Variants in CREG1 observed in about 807,000 individuals in gnomAD.
The protein encoded by CREG1 is cellular repressor of E1A stimulated genes 1.
A neutral mutation model predicts 19.9 loss-of-function variants in CREG1; 20 were observed. The ratio of observed to expected loss-of-function variants is 1.01; its 90% CI spans 0.71 to 1.46. The LOEUF (loss-of-function observed/expected upper bound fraction) is 1.46, where lower values mean the gene tolerates loss of function less well. Among genes scored for constraint, CREG1 ranks in the 40% most tolerant of loss-of-function variants. The probability of loss-of-function intolerance (pLI) is 0.00; values close to 1 mark genes in which losing one functional copy is unlikely to be tolerated. For synonymous variants in CREG1, 141 were observed against 143.3 expected, an observed-to-expected ratio of 0.98 and a Z score of 0.12; for missense variants, 290 against 314.9, an observed-to-expected ratio of 0.92 and a Z score of 0.60.
chr1:167,552,429 T>G (rs1435119437), intron 1 of CREG1, among the ~76,000 whole-genome samples: 1 of 152,204 alleles, frequency 6.6e-6, no homozygotes, highest in South Asian at 2.1e-4. Context: ...GTCTCCGGCC[T>G]CCCAAGCTGG....
intron 3 of CREG1, 26 bp downstream of exon 3, chr1:167,546,075 T>C: frequency 6.4e-7 from 1 of 1,556,872 alleles, no homozygotes; most frequent in Non-Finnish European, 8.7e-7. Flanking sequence ...GCGGCAATCT[T>C]AGGTGAAAGA....
chr1:167,545,872 T>C lies in CREG1; in HGVS notation c.659+229A>G, dbSNP rs538833942. ...ATTTAATATATTAATAAAACGATTATACCACACATTTACAAATATTTTCAT... is the reference window on the plus strand; with the variant it reads ...ATTTAATATATTAATAAAACGATTACACCACACATTTACAAATATTTTCAT... On this transcript the variant is annotated intron_variant, in intron 3 of 3. Coordinates refer to ENST00000370509, the MANE Select transcript of CREG1 (RefSeq NM_003851.3). Among the ~76,000 whole-genome samples the C allele has an allele frequency of 9.2e-5, 14 of 152,348 alleles. No homozygotes were observed. The South Asian group carries it at 2.5e-3, about 27-fold the overall frequency.
chr1:167,547,394 G>C (rs1160907511), intron 2 of CREG1, among the ~76,000 whole-genome samples: 2 of 152,182 alleles, frequency 1.3e-5, no homozygotes, highest in Non-Finnish European at 2.9e-5. Flanking sequence ...GGAGAGTAGA[G>C]GGCTTTGGTC....
chr1:167,553,241 C>T, intron 1 of CREG1, 147 bp downstream of exon 1: 1 of 622,402 alleles, frequency 1.6e-6, no homozygotes, highest in East Asian at 3.5e-5. Context: ...GACGCTGCAA[C>T]GCCCACCTAC....
intron 1 of CREG1, 152 bp downstream of exon 1, chr1:167,553,236 T>C (rs377082007): frequency 1.7e-6 from 1 of 599,918 alleles, no homozygotes; most frequent in Non-Finnish European, 2.6e-6. Flanking sequence ...TCTGGGACGC[T>C]GCAACGCCCA....
Position 167,546,189 on chromosome 1 carries a change from T to C in CREG1, c.571A>G (p.Lys191Glu), listed in dbSNP as rs1329468027. ...WPSSHNWFFAKLNITNIWVLD... is the reference protein window; with the variant it reads ...WPSSHNWFFAELNITNIWVLD... ...ACCCAGATATTGGTTATATTCAACT[T>C]AGCAAAGAACCAATTATGGCTGGAA... Residue 191 changes from lysine (K) to glutamate (E), a missense_variant, in exon 3 of 4, where the codon AAG becomes GAG. Coordinates refer to ENST00000370509, the MANE Select transcript of CREG1 (RefSeq NM_003851.3). 1.2e-6 allele frequency: 2 copies of C among 1,613,682 alleles called. No individual in the cohort carries two copies. Among genetic ancestry groups the C allele is most frequent in the Admixed American group, 3.3e-5 (2 of 59,858 alleles).
rs772117438 is a variant in CREG1, at chr1:167,547,993, A to C, written c.474+9T>G. On this transcript the variant is annotated intron_variant, in intron 2 of 3. Coordinates refer to ENST00000370509, the MANE Select transcript of CREG1 (RefSeq NM_003851.3). The stretch of plus-strand genomic sequence containing the variant: ...AAACCATCTCCCTTCCTGTAGGATA[A>C]CTACTTACCTTGGTCACAGTTCCTG... 1.9e-6 allele frequency: 3 copies of C among 1,604,104 alleles called. No homozygotes were observed. In the South Asian group the frequency reaches 3.3e-5, roughly 18 times the overall value.
chr1:167,551,627 G>A (rs1008632770), intron 1 of CREG1, among the ~76,000 whole-genome samples: 1 of 152,170 alleles, frequency 6.6e-6, no homozygotes, highest in East Asian at 1.9e-4. Context: ...ATATGATTAT[G>A]TATTGGTCAA....
chr1:167,552,341 T>C (rs1430275548), intron 1 of CREG1, among the ~76,000 whole-genome samples: 1 of 152,212 alleles, frequency 6.6e-6, no homozygotes, highest in African/African-American at 2.4e-5. Flanking sequence ...ATGTTGTACT[T>C]TCAGAGTTGA....
chr1:167,547,354 G>C (rs1656346693), intron 2 of CREG1, among the ~76,000 whole-genome samples: 1 of 152,136 alleles, frequency 6.6e-6, no homozygotes, highest in Non-Finnish European at 1.5e-5. Context: ...CCCAGACATG[G>C]AAAAACATTA....
Position 167,553,689 on chromosome 1 carries a change from GC to G in CREG1, c.52del (p.Ala18ArgfsTer45). ...SARALLAALL[A>X]STLLALLVSP... ...CACGAGCAGCGCCAACAGCGTCGAC[GC>G]CAGCAGGGCGGCGAGCAGTGCGCGC... On this transcript the variant is annotated frameshift_variant, in exon 1 of 4. Transcript: ENST00000370509. LOFTEE classifies it high-confidence loss of function. The G allele has an allele frequency of 6.1e-6, 8 of 1,315,820 alleles. No individual in the cohort carries two copies. Among genetic ancestry groups the G allele is most frequent in the Non-Finnish European group, 7.7e-6 (8 of 1,038,792 alleles). The allele number at this position is 1,315,820 out of a possible 1,614,324, so 81.5% of individuals were successfully genotyped here.
chr1:167,546,997 C>T (rs1656339088), intron 2 of CREG1, among the ~76,000 whole-genome samples: 1 of 152,240 alleles, frequency 6.6e-6, no homozygotes, highest in Admixed American at 6.5e-5. Context: ...TTAGAAACCA[C>T]ATAACAGAAC....
In CREG1 at chr1:167,548,712, T is replaced by G. The variant is rs1195111792; in HGVS notation, c.355-591A>C. ...ATGCTTTCTTATTCAGAAATCAACT[T>G]CATAAAAGGCACTGTTGACAGATTA... On this transcript the variant is annotated intron_variant, in intron 1 of 3. Transcript: ENST00000370509. 2.0e-5 allele frequency among the ~76,000 whole-genome samples: 3 copies of G among 152,348 alleles called. No homozygotes were observed. The East Asian group carries it at 5.8e-4, about 29-fold the overall frequency.
At chr1:167,543,759 A>G (rs1322139544) in intron 3 of CREG1, among the ~76,000 whole-genome samples, 1 of 152,226 alleles carries the variant, frequency 6.6e-6, no homozygotes, top group Non-Finnish European at 1.5e-5. Context: ...GTTCTGGTGC[A>G]CTGCCTCAGA....
At position 167,553,651 on chromosome 1, in the gene CREG1, C is replaced by G; in HGVS notation, c.91G>C (p.Gly31Arg). The G allele has an allele frequency of 1.5e-6, 2 of 1,339,034 alleles. No individual in the cohort carries two copies. The highest frequency in any genetic ancestry group is 1.9e-6 in the Non-Finnish European group (2 of 1,050,150). 82.9% of individuals were successfully genotyped at this position (1,339,034 alleles called of 1,614,324 possible). ...LLALLVSPAR[G>R]RGGRDHGDWD... ...TCCCCGTGGTCCCGGCCGCCGCGAC[C>G]CCGCGCGGGCGACACGAGCAGCGCC... The change falls in exon 1 of 4, where the codon GGT (glycine) becomes CGT (arginine). Residue 31 changes from glycine to arginine, a missense_variant. Transcript: ENST00000370509.
intron 1 of CREG1, among the ~76,000 whole-genome samples, chr1:167,552,665 A>C (rs1290947483): frequency 2.0e-5 from 3 of 152,246 alleles, no homozygotes; most frequent in Non-Finnish European, 4.4e-5. Flanking sequence ...AGCTTAATTC[A>C]GGAAGGGTAA....
At chr1:167,547,369 A>G (rs552856271) in intron 2 of CREG1, among the ~76,000 whole-genome samples, 17 of 152,328 alleles carry the variant, frequency 1.1e-4, no homozygotes, top group African/African-American at 3.8e-4. Context: ...ACATTATACC[A>G]ATGTAAAATG....
Position 167,541,815 on chromosome 1 carries a change from A to T in CREG1, c.*483T>A, listed in dbSNP as rs1181237144. On this transcript the variant is annotated 3_prime_UTR_variant, in exon 4 of 4. Transcript: ENST00000370509. The stretch of plus-strand genomic sequence containing the variant: ...TTGTTTGTCTATCTTGGCAAGATTT[A>T]TTCAGAAGCACCATAATGGGGGCCA... The T allele has an allele frequency of 1.3e-5, 2 of 152,548 alleles. No homozygotes were observed. The highest frequency in any genetic ancestry group is 2.9e-5 in the Non-Finnish European group (2 of 68,254). The allele number at this position is 152,548 out of a possible 1,614,324, so 9.4% of individuals were successfully genotyped here. A position where few individuals can be genotyped will look rare whatever the true frequency, so the allele number is the denominator to read the frequency against.
intron 1 of CREG1, among the ~76,000 whole-genome samples, chr1:167,552,875 C>T (rs1301492727): frequency 6.6e-6 from 1 of 151,906 alleles, no homozygotes; most frequent in African/African-American, 2.4e-5. Context: ...GGTGAAACCC[C>T]GCCTCTACTA....
Sources: gnomAD v4.1 joint callset for allele counts (sites outside exome capture counted in the v4.1 genomes callset) on GRCh38, gnomAD v4.1.1 for gene constraint, MANE v1.5 for transcripts, NCBI Gene and HGNC (gene_info 2026-07-23, HGNC 2026-07-21) for gene names.